VPS54: variants seen among roughly 807,000 people sequenced by gnomAD.
VPS54 encodes the protein VPS54 subunit of GARP complex, also known as vacuolar protein sorting-associated protein 54.
VPS54 carries 45 observed loss-of-function variants against 121.5 expected under a neutral mutation model. The observed-to-expected ratio is 0.37, with a 90% CI of 0.29 to 0.47. VPS54 has a LOEUF of 0.47. VPS54 is among the 20% of genes least tolerant of loss of function. The pLI is 0.99. For missense variants in VPS54, 1,090 were observed against 1,131.4 expected, an observed-to-expected ratio of 0.96 and a Z score of 0.52; for synonymous variants, 371 against 385.8, an observed-to-expected ratio of 0.96 and a Z score of 0.45.
rs542972425 is a variant in VPS54 at position 64,000,473 on chromosome 2, T to C, written c.-20-16454A>G. Among the ~76,000 whole-genome samples, 134 of 152,348 alleles carry C rather than the reference T, an allele frequency of 8.8e-4. 1 individual carries two copies. Among genetic ancestry groups the C allele is most frequent in the African/African-American group, 3.0e-3 (126 of 41,586 alleles). On this transcript the variant is annotated intron_variant, in intron 1 of 22. Coordinates refer to ENST00000272322, the MANE Select transcript of VPS54 (RefSeq NM_016516.3). ...GTAGATGTTCTTCAGTGTCTGGACA[T>C]TGAAGTTATTTATTGTAGTCTTCAC...
intron 3 of VPS54, among the ~76,000 whole-genome samples, chr2:63,977,289 A>G (rs1676586987): frequency 6.6e-6 from 1 of 152,094 alleles, no homozygotes; most frequent in African/African-American, 2.4e-5. Flanking sequence ...ATTTGGATTA[A>G]ATTTGCTCTT....
intron 2 of VPS54, 123 bp from the exon 3 acceptor site, chr2:63,982,010 G>A: frequency 9.7e-7 from 1 of 1,034,236 alleles, no homozygotes; most frequent in Non-Finnish European, 1.3e-6. Context: ...ATCTTCCACA[G>A]TAAATGATTT....
chr2:63,973,562 CTTT>C (rs1235621483), intron 3 of VPS54, among the ~76,000 whole-genome samples: 3 of 151,976 alleles, frequency 2.0e-5, no homozygotes, highest in African/African-American at 7.2e-5. Flanking sequence ...GTACCAGTCC[CTTT>C]TTGTTTTTTG....
At chr2:63,995,812 A>G (rs1436211994) in intron 1 of VPS54, among the ~76,000 whole-genome samples, 1 of 152,230 alleles carries the variant, frequency 6.6e-6, no homozygotes, top group Non-Finnish European at 1.5e-5. Context: ...TGGTCAAAGG[A>G]CACCTTCTGG....
chr2:63,937,495 CAA>C (rs1169978698), intron 11 of VPS54, among the ~76,000 whole-genome samples: 1 of 152,144 alleles, frequency 6.6e-6, no homozygotes, highest in East Asian at 1.9e-4. Flanking sequence ...CAGAAAATAA[CAA>C]GTTTTGGCAA....
chr2:64,016,891 G>A (rs1415924593), intron 1 of VPS54, among the ~76,000 whole-genome samples: 1 of 151,954 alleles, frequency 6.6e-6, no homozygotes, highest in Non-Finnish European at 1.5e-5. Flanking sequence ...TTACAGGTGT[G>A]AGCCACTGAA....
intron 9 of VPS54, among the ~76,000 whole-genome samples, chr2:63,945,908 A>T (rs774915014): frequency 3.3e-5 from 5 of 152,276 alleles, no homozygotes; most frequent in Middle Eastern, 3.4e-3. Flanking sequence ...AATTGCTTAA[A>T]ATATATATAC....
At position 63,981,853 on chromosome 2, in the gene VPS54, T is replaced by TAG; in HGVS notation, c.169_170dup (p.Val58Ter). 9 of 1,613,422 alleles carry TAG rather than the reference T, an allele frequency of 5.6e-6. No individual in the cohort carries two copies. Among genetic ancestry groups the TAG allele is most frequent in the Non-Finnish European group, 7.6e-6 (9 of 1,179,604 alleles). On this transcript the variant is annotated frameshift_variant, in exon 3 of 23. Transcript: ENST00000272322. LOFTEE classifies it high-confidence loss of function. ...CAGTCCATCTATGTTGATCTGTAAC[T>TAG]AGAGATGGGGCAACATATAAACTAT...
At chr2:64,016,736 G>C (rs1175236190) in intron 1 of VPS54, among the ~76,000 whole-genome samples, 1 of 151,684 alleles carries the variant, frequency 6.6e-6, no homozygotes, top group Non-Finnish European at 1.5e-5. Flanking sequence ...AGCCTCCCCA[G>C]TAGCTGGGAT....
chr2:63,913,428 T>C, intron 17 of VPS54, 118 bp from the exon 18 acceptor site: 1 of 594,558 alleles, frequency 1.7e-6, no homozygotes, highest in East Asian at 3.1e-5. Flanking sequence ...CCAAATGAAT[T>C]ATCTAGTAGA....
At chr2:64,013,913 C>A (rs923851818) in intron 1 of VPS54, among the ~76,000 whole-genome samples, 1 of 151,686 alleles carries the variant, frequency 6.6e-6, no homozygotes, top group Non-Finnish European at 1.5e-5. Context: ...AAGAAACCAG[C>A]CAGGCGCGGT....
chr2:63,952,300 C>G (rs1213461916), intron 7 of VPS54, among the ~76,000 whole-genome samples: 1 of 151,924 alleles, frequency 6.6e-6, no homozygotes, highest in East Asian at 1.9e-4. Context: ...CTAGTTGGTC[C>G]AAAGAATTTC....
At chr2:63,966,866 A>G (rs932299818) in intron 5 of VPS54, among the ~76,000 whole-genome samples, 2 of 152,186 alleles carry the variant, frequency 1.3e-5, no homozygotes, top group African/African-American at 4.8e-5. Context: ...TAAAGTATGC[A>G]TATCTTTACA....
intron 11 of VPS54, among the ~76,000 whole-genome samples, chr2:63,941,037 T>G (rs1194973567): frequency 1.3e-5 from 2 of 152,138 alleles, no homozygotes; most frequent in East Asian, 1.9e-4. Flanking sequence ...AAAGGAAAAT[T>G]AATGTCATAC....
intron 11 of VPS54, among the ~76,000 whole-genome samples, chr2:63,941,708 T>A (rs576893027): frequency 6.6e-6 from 1 of 152,198 alleles, no homozygotes; most frequent in African/African-American, 2.4e-5. Context: ...CTTGATTGGA[T>A]TCGTGCCCAA....
chr2:63,978,930 T>C (rs1355591072), intron 3 of VPS54, among the ~76,000 whole-genome samples: 3 of 152,166 alleles, frequency 2.0e-5, no homozygotes, highest in African/African-American at 4.8e-5. Flanking sequence ...AGATTATCTA[T>C]TTTTTCTCGA....
intron 20 of VPS54, among the ~76,000 whole-genome samples, chr2:63,902,346 C>G (rs1186544884): frequency 6.6e-6 from 1 of 152,156 alleles, no homozygotes; most frequent in African/African-American, 2.4e-5. Flanking sequence ...AAGGTAGTAG[C>G]AGCCTACTAC....
Position 63,962,040 on chromosome 2 carries a change from C to A in VPS54, c.1010+18G>T. The A allele has an allele frequency of 6.6e-7, 1 of 1,506,142 alleles. No individual in the cohort carries two copies. Among genetic ancestry groups the A allele is most frequent in the Middle Eastern group, 1.8e-4 (1 of 5,614 alleles). The allele number at this position is 1,506,142 out of a possible 1,614,324, so 93.3% of individuals were successfully genotyped here. The stretch of plus-strand genomic sequence containing the variant: ...AAATTTCTAACATTATTTCTAGTGG[C>A]TTACTTAATGAACATACCGGAAACT... On this transcript the variant is annotated intron_variant, in intron 7 of 22. Coordinates refer to ENST00000272322, the MANE Select transcript of VPS54 (RefSeq NM_016516.3).
chr2:63,945,161 G>C (rs1021836528), intron 9 of VPS54, among the ~76,000 whole-genome samples: 1 of 152,128 alleles, frequency 6.6e-6, no homozygotes, highest in African/African-American at 2.4e-5. Context: ...ATGATAGACT[G>C]GATAAAGAAA....
Sources: gnomAD v4.1 joint callset for allele counts (sites outside exome capture counted in the v4.1 genomes callset) on GRCh38, gnomAD v4.1.1 for gene constraint, MANE v1.5 for transcripts, NCBI Gene and HGNC (gene_info 2026-07-23, HGNC 2026-07-21) for gene names.